WDFY4: variants seen among roughly 807,000 people sequenced by gnomAD.
WDFY4 encodes the protein WD repeat- and FYVE domain-containing protein 4.
In WDFY4, 169 loss-of-function variants were observed where a neutral mutation model predicts 351.9. The observed-to-expected ratio is 0.48, with a 90% CI of 0.42 to 0.55. WDFY4 has a LOEUF of 0.55. Among genes scored for constraint, WDFY4 ranks in the 20% least tolerant of loss-of-function variants. The pLI is 0.00. For synonymous variants in WDFY4, 1,622 were observed against 1,574.6 expected (o/e 1.03, Z -0.71); for missense variants, 3,803 against 3,935.6 (o/e 0.97, Z 0.90).
At position 48,825,697 on chromosome 10, in the gene WDFY4, G is replaced by A. The variant is rs192501620; in HGVS notation, c.5983-974G>A. On this transcript the variant is annotated intron_variant, in intron 35 of 61. Coordinates refer to ENST00000325239, the MANE Select transcript of WDFY4 (RefSeq NM_001394531.1). ...ATTGTGGTTTTGATTTGTATTTCTT[G>A]AATGATCAGTGATATGGCACTTTTT... Among the ~76,000 whole-genome samples, 532 of 151,116 alleles carry A rather than the reference G, an allele frequency of 3.5e-3. 4 individuals carry two copies. The highest frequency in any genetic ancestry group is 6.6e-3 in the Non-Finnish European group (445 of 67,912).
At position 48,830,695 on chromosome 10, in the gene WDFY4, G is replaced by T. The variant is rs769663001; in HGVS notation, c.6341-5G>T. ...CCTGAGTGTGCCATGTGCTCTCTCT[G>T]CTAGTCCAACACAACATCCAGAAGA... is the stretch of plus-strand genomic sequence containing the variant. On this transcript the variant is annotated splice_polypyrimidine_tract_variant and splice_region_variant and intron_variant, in intron 37 of 61. Transcript: ENST00000325239. The T allele has an allele frequency of 5.1e-5, 79 of 1,550,504 alleles. No individual in the cohort carries two copies. Among genetic ancestry groups the T allele is most frequent in the Non-Finnish European group, 5.9e-5 (68 of 1,146,642 alleles).
chr10:48,847,588 G>A (rs771444975), intron 39 of WDFY4, among the ~76,000 whole-genome samples: 2 of 152,024 alleles, frequency 1.3e-5, no homozygotes, highest in Non-Finnish European at 1.5e-5. Context: ...GAATGAGGCC[G>A]ACAGAGATGG....
rs553384322 is a variant in WDFY4 at position 48,704,040 on chromosome 10, G to A, written c.-17-5676G>A. ...TCTGGTTCCCTGCACATGGCACAGA[G>A]GAAGGGGAGACCCCATCACATACAC... On this transcript the variant is annotated intron_variant, in intron 1 of 61. Transcript: ENST00000325239. Among the ~76,000 whole-genome samples the A allele has an allele frequency of 2.0e-5, 3 of 152,168 alleles. No homozygotes were observed. The East Asian group carries it at 5.8e-4, about 29-fold the overall frequency.
intron 47 of WDFY4, among the ~76,000 whole-genome samples, chr10:48,923,496 G>GTATTTATATATATATATATATATATATA (rs1839280373): frequency 4.7e-5 from 3 of 63,210 alleles, no homozygotes; most frequent in Non-Finnish European, 8.5e-5. Flanking sequence ...ATAGTTTTTA[G>GTATTTATATATATATATATATATATATA]TATATATATA....
Position 48,694,113 on chromosome 10 carries a change from G to T in WDFY4, c.-18+9112G>T, listed in dbSNP as rs189339485. On this transcript the variant is annotated intron_variant, in intron 1 of 61. Coordinates refer to ENST00000325239, the MANE Select transcript of WDFY4 (RefSeq NM_001394531.1). ...TGGGATGATTGTGTGACCAAACCAA[G>T]CCATCTGGAAATGTGTCAAAATCTT... 3.3e-5 allele frequency among the ~76,000 whole-genome samples: 5 copies of T among 152,316 alleles called. No homozygotes were observed. The East Asian group carries it at 9.6e-4, about 29-fold the overall frequency.
In WDFY4 at chr10:48,966,631, T is replaced by C; in HGVS notation, c.8542T>C (p.Tyr2848His). ...GCCTGGCCACCCACAGCCCTTTTTC[T>C]ACAGCCTGCAGTCGCTGAGGCCCTC... ...SLPGHPQPFF[Y>H]SLQSLRPSQV... The change falls in exon 55 of 62, where the codon TAC (tyrosine) becomes CAC (histidine). Residue 2848 changes from tyrosine to histidine, a missense_variant. This residue lies in a region of WDFY4 where 3,054 missense variants were observed against 3,148.6 expected (regional missense o/e 0.97). Coordinates refer to ENST00000325239, the MANE Select transcript of WDFY4 (RefSeq NM_001394531.1). 1 of 1,551,904 alleles carries C rather than the reference T, an allele frequency of 6.4e-7. No individual in the cohort carries two copies. The highest frequency in any genetic ancestry group is 8.7e-7 in the Non-Finnish European group (1 of 1,147,026).
chr10:48,822,265 C>A (rs1479688440), intron 34 of WDFY4, 115 bp from the exon 35 acceptor site: 13 of 1,172,592 alleles, frequency 1.1e-5, no homozygotes, highest in Non-Finnish European at 1.5e-5. Flanking sequence ...ATCTTTGGAA[C>A]CATGGGGTAC....
chr10:48,686,429 G>A (rs534621906), intron 1 of WDFY4, among the ~76,000 whole-genome samples: 6 of 151,612 alleles, frequency 4.0e-5, no homozygotes, highest in African/African-American at 1.5e-4. Context: ...TTTTTTTAAA[G>A]ATCAGCATCA....
intron 1 of WDFY4, among the ~76,000 whole-genome samples, chr10:48,697,412 C>A (rs752977882): frequency 2.0e-5 from 3 of 152,206 alleles, no homozygotes; most frequent in Non-Finnish European, 4.4e-5. Flanking sequence ...GACCTTGTAG[C>A]CAACACTTAC....
rs1161106083 is a variant in WDFY4 at position 48,817,342 on chromosome 10, C to A, written c.5438C>A (p.Pro1813Gln). ...GTCCACCGCACCTACCCCCAGGACC[C>A]AGCGTGGCGAGCCCCGGAGTTCCTC... ...SLVHRTYPQD[P>Q]AWRAPEFLQT... The change falls in exon 32 of 62, where the codon CCA becomes CAA. Residue 1813 changes from proline to glutamine, a missense_variant. Around this residue, in one of 3 missense-constraint regions of WDFY4, gnomAD observed 3,054 missense variants for 3,148.6 expected, o/e 0.97. Coordinates refer to ENST00000325239, the MANE Select transcript of WDFY4 (RefSeq NM_001394531.1). 6.4e-7 allele frequency: 1 copy of A among 1,551,670 alleles called. No individual in the cohort carries two copies. Among genetic ancestry groups the A allele is most frequent in the South Asian group, 1.2e-5 (1 of 84,060 alleles).
At chr10:48,849,349 A>G (rs770997141) in intron 39 of WDFY4, among the ~76,000 whole-genome samples, 2 of 152,244 alleles carry the variant, frequency 1.3e-5, no homozygotes, top group Non-Finnish European at 2.9e-5. Flanking sequence ...ATTCTGCACC[A>G]TCCTGCACAT....
intron 3 of WDFY4, among the ~76,000 whole-genome samples, 164 bp from the exon 4 acceptor site, chr10:48,721,097 T>A (rs529300459): frequency 6.6e-6 from 1 of 152,212 alleles, no homozygotes; most frequent in African/African-American, 2.4e-5. Flanking sequence ...TGGCAGGGTG[T>A]GGAGCGTTTG....
At position 48,970,303 on chromosome 10, in the gene WDFY4, C is replaced by G; in HGVS notation, c.8928+14C>G. On this transcript the variant is annotated intron_variant, in intron 57 of 61. Coordinates refer to ENST00000325239, the MANE Select transcript of WDFY4 (RefSeq NM_001394531.1). The stretch of plus-strand genomic sequence containing the variant: ...CGCCTCCGGCAGGTATGGTCCAGCT[C>G]GTGCAGGTGCGGTCCTCAGGTGGGG... The G allele has an allele frequency of 1.3e-6, 2 of 1,548,246 alleles. No homozygotes were observed. Among genetic ancestry groups the G allele is most frequent in the Admixed American group, 2.0e-5 (1 of 51,006 alleles).
At chr10:48,874,746 C>T (rs2069927692) in intron 41 of WDFY4, among the ~76,000 whole-genome samples, 1 of 152,198 alleles carries the variant, frequency 6.6e-6, no homozygotes, top group African/African-American at 2.4e-5. Context: ...GTCTCTGGGG[C>T]TGTCCAGCCC....
At chr10:48,849,812 A>G (rs888529955) in intron 39 of WDFY4, among the ~76,000 whole-genome samples, 1 of 152,180 alleles carries the variant, frequency 6.6e-6, no homozygotes, top group African/African-American at 2.4e-5. Context: ...TAATTTCATC[A>G]TATTTATCTG....
chr10:48,771,280 C>T (rs1026922281), intron 13 of WDFY4, among the ~76,000 whole-genome samples: 3 of 152,212 alleles, frequency 2.0e-5, no homozygotes, highest in African/African-American at 7.2e-5. Context: ...ATTTCTGTCA[C>T]TTAGTGCTAG....
At chr10:48,859,775 G>T (rs2069270638) in intron 39 of WDFY4, among the ~76,000 whole-genome samples, 1 of 152,118 alleles carries the variant, frequency 6.6e-6, no homozygotes, top group African/African-American at 2.4e-5. Flanking sequence ...TTGTAAATTT[G>T]ATTTTAATTC....
intron 43 of WDFY4, among the ~76,000 whole-genome samples, chr10:48,886,030 A>G (rs537614366): frequency 1.3e-5 from 2 of 152,302 alleles, no homozygotes; most frequent in African/African-American, 4.8e-5. Flanking sequence ...AGATGTAGGA[A>G]GAGGGCAGAT....
intron 54 of WDFY4, among the ~76,000 whole-genome samples, chr10:48,964,877 G>C (rs563232856): frequency 1.0e-3 from 153 of 152,268 alleles, no homozygotes; most frequent in African/African-American, 3.4e-3. Context: ...ATGAGGACTC[G>C]GGGTGGGGAG....
Sources: allele counts gnomAD v4.1 joint callset (sites outside exome capture counted in the v4.1 genomes callset), GRCh38; gene constraint gnomAD v4.1.1; regional missense constraint gnomAD v4.1.1; transcripts MANE v1.5; gene names NCBI Gene and HGNC (gene_info 2026-07-23, HGNC 2026-07-21).